Variants in RSPO2 observed in about 807,000 individuals in gnomAD.
RSPO2 encodes the protein R-spondin 2, also known as R-spondin-2.
RSPO2 carries 14 observed loss-of-function variants against 30.9 expected under a neutral mutation model. The ratio of observed to expected loss-of-function variants is 0.45; its 90% confidence interval spans 0.30 to 0.71. The LOEUF (loss-of-function observed/expected upper bound fraction) is 0.71. RSPO2 is among the 30% of genes least tolerant of loss of function. The probability of loss-of-function intolerance (pLI) is 0.08; values close to 1 mark genes in which losing one functional copy is unlikely to be tolerated. For synonymous variants in RSPO2, 107 were observed against 96.4 expected, an observed-to-expected ratio of 1.11 and a Z score of -0.64; for missense variants, 264 against 301.9, an observed-to-expected ratio of 0.87 and a Z score of 0.93.
At chr8:108,045,035 A>T (rs150759428) in intron 2 of RSPO2, among the ~76,000 whole-genome samples, 1 of 152,286 alleles carries the variant, frequency 6.6e-6, no homozygotes, top group Non-Finnish European at 1.5e-5. Flanking sequence ...TTTATGACTA[A>T]GGCCTCAAAA....
intron 5 of RSPO2, among the ~76,000 whole-genome samples, chr8:107,914,185 G>C (rs1811906113): frequency 1.3e-5 from 2 of 152,018 alleles, no homozygotes; most frequent in South Asian, 4.1e-4. Flanking sequence ...ATCTTAGCAG[G>C]GCAGGTTCAA....
intron 2 of RSPO2, among the ~76,000 whole-genome samples, chr8:108,020,572 G>T (rs1322407604): frequency 6.6e-6 from 1 of 152,022 alleles, no homozygotes; most frequent in African/African-American, 2.4e-5. Context: ...TACCTGCAAT[G>T]TTCTTATTTT....
chr8:108,041,295 T>G (rs891839351), intron 2 of RSPO2, among the ~76,000 whole-genome samples: 1 of 150,966 alleles, frequency 6.6e-6, no homozygotes, highest in Non-Finnish European at 1.5e-5. Context: ...AGAGCAAATA[T>G]GCTGCGTTTT....
intron 3 of RSPO2, among the ~76,000 whole-genome samples, chr8:107,971,097 G>T (rs1813984514): frequency 6.6e-6 from 1 of 152,114 alleles, no homozygotes; most frequent in Non-Finnish European, 1.5e-5. Context: ...TAAAGCACTA[G>T]GTGTATGTTT....
intron 2 of RSPO2, among the ~76,000 whole-genome samples, chr8:108,020,092 AGAG>A (rs1223055635): frequency 6.6e-6 from 1 of 151,082 alleles, no homozygotes; most frequent in Non-Finnish European, 1.5e-5. Context: ...AAAAAAAAAA[AGAG>A]GAAGAAGAAA....
At chr8:107,975,158 C>G (rs930684339) in intron 3 of RSPO2, among the ~76,000 whole-genome samples, 22 of 152,226 alleles carry the variant, frequency 1.4e-4, no homozygotes, top group Admixed American at 1.4e-3. Context: ...GTACCACCAC[C>G]TTCCTAGATA....
Position 107,901,129 on chromosome 8 carries a change from T to TTC in RSPO2, c.676_677dup (p.Arg227LysfsTer11). 1 of 1,614,154 alleles carries TTC rather than the reference T, an allele frequency of 6.2e-7. No individual in the cohort carries two copies. Among genetic ancestry groups the TTC allele is most frequent in the Non-Finnish European group, 8.5e-7 (1 of 1,179,996 alleles). ...AGACGCTGTGTTGCTCCTGGGCCCT[T>TTC]TCTATCAGCTTCCTTTTCTTTTTCT... On this transcript the variant is annotated frameshift_variant, in exon 6 of 6. Transcript: ENST00000276659. LOFTEE classifies it high-confidence loss of function.
intron 2 of RSPO2, among the ~76,000 whole-genome samples, chr8:108,019,098 A>C (rs568891296): frequency 1.3e-5 from 2 of 152,312 alleles, no homozygotes; most frequent in East Asian, 3.9e-4. Flanking sequence ...GTTTAGTAAA[A>C]TGAATTCTAC....
chr8:108,058,074 C>G (rs1812314071), intron 2 of RSPO2, among the ~76,000 whole-genome samples: 2 of 152,136 alleles, frequency 1.3e-5, no homozygotes, highest in East Asian at 3.9e-4. Context: ...GGGAATGCTT[C>G]CAGTTTTTGC....
At chr8:108,029,680 A>G (rs553597126) in intron 2 of RSPO2, among the ~76,000 whole-genome samples, 19 of 152,354 alleles carry the variant, frequency 1.2e-4, no homozygotes, top group Non-Finnish European at 2.5e-4. Flanking sequence ...AAGGGAAATA[A>G]AAGATGCACC....
intron 2 of RSPO2, among the ~76,000 whole-genome samples, chr8:108,051,964 G>T (rs933971536): frequency 6.6e-5 from 10 of 152,170 alleles, no homozygotes; most frequent in African/African-American, 2.4e-4. Context: ...ACCAAACTGA[G>T]CAATGCACGT....
At chr8:107,918,747 T>G (rs1182541780) in intron 5 of RSPO2, among the ~76,000 whole-genome samples, 4 of 152,142 alleles carry the variant, frequency 2.6e-5, no homozygotes, top group Admixed American at 1.3e-4. Flanking sequence ...TCGCTGCACT[T>G]TATGCACATA....
chr8:108,068,625 T>A (rs1812743926), intron 2 of RSPO2, among the ~76,000 whole-genome samples: 1 of 152,298 alleles, frequency 6.6e-6, no homozygotes, highest in East Asian at 1.9e-4. Context: ...GCAAATAGGG[T>A]TTTTGCAGAT....
At chr8:107,901,947 G>C (rs661555) in intron 5 of RSPO2, among the ~76,000 whole-genome samples, 10 of 152,140 alleles carry the variant, frequency 6.6e-5, no homozygotes, top group African/African-American at 2.4e-4. Flanking sequence ...TTTTCCTCCA[G>C]CAGGAATTTT....
At chr8:107,946,355 G>A (rs1241768459) in intron 5 of RSPO2, among the ~76,000 whole-genome samples, 2 of 152,210 alleles carry the variant, frequency 1.3e-5, no homozygotes, top group African/African-American at 4.8e-5. Context: ...AGGACTGCAA[G>A]CCTGAGTAAC....
At chr8:108,031,359 C>T (rs773601169) in intron 2 of RSPO2, among the ~76,000 whole-genome samples, 1 of 152,126 alleles carries the variant, frequency 6.6e-6, no homozygotes, top group Non-Finnish European at 1.5e-5. Flanking sequence ...GTTTTCCTTT[C>T]TTGTAGTGTA....
At chr8:107,956,043 C>T (rs1448970227) in intron 5 of RSPO2, among the ~76,000 whole-genome samples, 5 of 152,212 alleles carry the variant, frequency 3.3e-5, no homozygotes, top group African/African-American at 1.2e-4. Context: ...ACTTTTCTCT[C>T]TCTCACCTGA....
intron 2 of RSPO2, among the ~76,000 whole-genome samples, chr8:108,057,055 CAAAAAAAAAAAAAAAAAAAAAAAAA>C (rs56727719): frequency 5.5e-5 from 2 of 36,082 alleles, no homozygotes; most frequent in East Asian, 1.6e-3. Context: ...GACTCTGTCT[CAAAAAAAAAAAAAAAAAAAAAAAAA>C]AAAAAAAAAA....
rs77171556 is a variant in RSPO2 at position 107,930,520 on chromosome 8, C to A, written c.616+27560G>T. Among the ~76,000 whole-genome samples, 433 of 152,322 alleles carry A rather than the reference C, an allele frequency of 2.8e-3. 20 individuals carry two copies. The South Asian group carries it at 0.081, about 29-fold the overall frequency. ...AACTGATGAATGTTGTAGGTTTACT[C>A]ATTCATCTAACCTTTGTTACACCAT... On this transcript the variant is annotated intron_variant, in intron 5 of 5. Transcript: ENST00000276659.
Sources: allele counts gnomAD v4.1 joint callset (sites outside exome capture counted in the v4.1 genomes callset), GRCh38; gene constraint gnomAD v4.1.1; transcripts MANE v1.5; gene names NCBI Gene and HGNC (gene_info 2026-07-23, HGNC 2026-07-21).